IGHMBP2: variants seen among roughly 807,000 people sequenced by gnomAD.
IGHMBP2 encodes the protein DNA-binding protein SMUBP-2.
Under a neutral mutation model 96.0 loss-of-function variants are expected in IGHMBP2, and 81 were observed. The observed-to-expected ratio is 0.84, with a 90% CI of 0.71 to 1.01. The LOEUF (loss-of-function observed/expected upper bound fraction) is 1.01, where lower values mean the gene tolerates loss of function less well. Ranked by LOEUF, IGHMBP2 falls within the 50% of genes least tolerant of loss-of-function variation. The pLI is 0.00. For missense variants in IGHMBP2, 1,227 were observed against 1,306.3 expected, an observed-to-expected ratio of 0.94 and a Z score of 0.94; for synonymous variants, 557 against 548.9, an observed-to-expected ratio of 1.01 and a Z score of -0.21.
chr11:68,921,951 C>G (rs184896784), intron 7 of IGHMBP2, among the ~76,000 whole-genome samples: 111 of 152,368 alleles, frequency 7.3e-4, no homozygotes, highest in African/African-American at 2.6e-3. Flanking sequence ...CCACTGTCAT[C>G]TGCCTGAGTA....
rs898892500 is a variant in IGHMBP2 at position 68,912,236 on chromosome 11, A to G, written c.711+633A>G. Among the ~76,000 whole-genome samples the G allele has an allele frequency of 2.6e-5, 4 of 152,144 alleles. No homozygotes were observed. The East Asian group carries it at 5.8e-4, about 22-fold the overall frequency. ...AACCTCCGCCTCCCGGGTTTAAGTG[A>G]TTCTCCTACCTCAGCCTCCCGAACA... On this transcript the variant is annotated intron_variant, in intron 5 of 14. Coordinates refer to ENST00000255078, the MANE Select transcript of IGHMBP2 (RefSeq NM_002180.3).
At position 68,934,767 on chromosome 11, in the gene IGHMBP2, CG is replaced by C. The variant is rs1231660672; in HGVS notation, c.1632+211del. 8.5e-5 allele frequency among the ~76,000 whole-genome samples: 13 copies of C among 152,316 alleles called. No homozygotes were observed. The South Asian group carries it at 2.5e-3, about 29-fold the overall frequency. ...CCGCCCCACCTTGCCCCGCCCTGCC[CG>C]GTGCCCCAGCCTTCTGCACTGGCTT... On this transcript the variant is annotated intron_variant, in intron 11 of 14. Coordinates refer to ENST00000255078, the MANE Select transcript of IGHMBP2 (RefSeq NM_002180.3).
chr11:68,926,158 ATCT>A (rs1049350790), intron 7 of IGHMBP2: 2 of 149,652 alleles, frequency 1.3e-5, no homozygotes, highest in Non-Finnish European at 3.0e-5. Flanking sequence ...TTCAGGCTGG[ATCT>A]TCTCAATGGA....
At chr11:68,933,013 T>A (rs1859375186) in intron 8 of IGHMBP2, 1 of 525,268 alleles carries the variant, frequency 1.9e-6, no homozygotes, top group African/African-American at 1.9e-5. Flanking sequence ...CCTTGGGTTA[T>A]CACCTGGGTC....
Position 68,915,166 on chromosome 11 carries a change from C to CCTTTTT in IGHMBP2, c.912+143_912+144insCTTTTT, listed in dbSNP as rs1191505010. Reference sequence around the variant, plus strand: ...TAATAATTTTAAAAATTGGGCTGCCCTTTTTTTTTTTTTTTTTTTTTTTTT... The same window carrying CCTTTTT: ...TAATAATTTTAAAAATTGGGCTGCCCCTTTTTTTTTTTTTTTTTTTTTTTTTTTTTT... On this transcript the variant is annotated intron_variant, in intron 6 of 14. Transcript: ENST00000255078. 66 of 206,384 alleles carry CCTTTTT rather than the reference C, an allele frequency of 3.2e-4. 4 individuals carry two copies. In the African/African-American group the frequency reaches 3.2e-3, roughly 10 times the overall value. The allele number at this position is 206,384 out of a possible 1,614,324, so 12.8% of individuals were successfully genotyped here.
rs139237340 is a variant in IGHMBP2, at chr11:68,906,204, C to T, written c.222C>T (p.Ser74=). 39 of 1,613,896 alleles carry T rather than the reference C, an allele frequency of 2.4e-5. No homozygotes were observed. The highest frequency in any genetic ancestry group is 2.8e-5 in the Non-Finnish European group (33 of 1,179,980). The change falls in exon 2 of 15, where the codon TCC becomes TCT. Residue 74 remains serine, a synonymous_variant. Transcript: ENST00000255078. ...LVTFEPRRYG[S]AAALPSNSFT... ...CCTTTGAGCCCAGGCGATACGGGTC[C>T]GCGGCAGCTCTTCCCAGTAACAGCT...
intron 10 of IGHMBP2, 187 bp downstream of exon 10, chr11:68,934,100 C>T (rs1358657991): frequency 3.1e-6 from 2 of 645,766 alleles, no homozygotes; most frequent in African/African-American, 1.8e-5. Flanking sequence ...GCAGACCGCT[C>T]CTGGGTGAGA....
chr11:68,906,117 G>A lies in IGHMBP2; in HGVS notation c.135G>A (p.Val45=), dbSNP rs1253673311. The stretch of plus-strand genomic sequence containing the variant: ...TGAAAGAGCTCCAGAGCCGAGGCGT[G>A]TGTTTGCTGAAGCTGCAGGTATCCA... ...ISLKELQSRG[V]CLLKLQVSSQ... Residue 45 remains valine (V), a synonymous_variant, in exon 2 of 15, where the codon GTG becomes GTA. Coordinates refer to ENST00000255078, the MANE Select transcript of IGHMBP2 (RefSeq NM_002180.3). 6.2e-7 allele frequency: 1 copy of A among 1,614,118 alleles called. No individual in the cohort carries two copies. The highest frequency in any genetic ancestry group is 1.3e-5 in the African/African-American group (1 of 74,944).
rs201701183 is a variant in IGHMBP2 at position 68,908,538 on chromosome 11, C to T, written c.454C>T (p.Leu152=). 2 of 1,612,888 alleles carry T rather than the reference C, an allele frequency of 1.2e-6. No homozygotes were observed. Among genetic ancestry groups the T allele is most frequent in the Non-Finnish European group, 1.7e-6 (2 of 1,178,888 alleles). The change falls in exon 4 of 15, where the codon CTG becomes TTG. Residue 152 remains leucine (L), a synonymous_variant. Transcript: ENST00000255078. ...DVTYRRLKKA[L]IALKKYHSGP... is the part of the protein sequence containing the mutation. Reference sequence around the variant, plus strand: ...TTTAGTTTTCTCCCTTGGCAGAGCCCTGATTGCTCTAAAGAAGTATCATTC... The same window carrying T: ...TTTAGTTTTCTCCCTTGGCAGAGCCTTGATTGCTCTAAAGAAGTATCATTC...
intron 7 of IGHMBP2, among the ~76,000 whole-genome samples, chr11:68,922,609 T>C (rs1233609670): frequency 2.0e-5 from 3 of 152,210 alleles, no homozygotes; most frequent in Non-Finnish European, 4.4e-5. Flanking sequence ...TTGGCCAGGC[T>C]GCTCTCGAAC....
At chr11:68,934,212 T>TCA (rs2154008673) in intron 10 of IGHMBP2, 1 of 617,726 alleles carries the variant, frequency 1.6e-6, no homozygotes, top group East Asian at 2.8e-5. Flanking sequence ...CACCACCATC[T>TCA]CCCCAGTTCC....
In IGHMBP2 at chr11:68,937,016, G is replaced by A. The variant is rs566873791; in HGVS notation, c.2536G>A (p.Gly846Arg). 6 of 1,608,546 alleles carry A rather than the reference G, an allele frequency of 3.7e-6. No homozygotes were observed. In the African/African-American group the frequency reaches 6.7e-5, roughly 18 times the overall value. The stretch of plus-strand genomic sequence containing the variant: ...ACTGCAGAGGGTCAGGAGCGCGCAG[G>A]GGCAGCCCGCCAGCAAGGAGCAGCA... ...ERLQRVRSAQ[G>R]QPASKEQQAS... Residue 846 changes from glycine to arginine, a missense_variant, in exon 13 of 15, where the codon GGG becomes AGG. Gly to Arg is a moderately radical substitution (Grantham distance 125, BLOSUM62 -2). Coordinates refer to ENST00000255078, the MANE Select transcript of IGHMBP2 (RefSeq NM_002180.3).
intron 13 of IGHMBP2, 183 bp from the exon 14 acceptor site, chr11:68,937,999 T>G: frequency 1.5e-6 from 1 of 674,472 alleles, no homozygotes; most frequent in Non-Finnish European, 2.7e-6. Flanking sequence ...TCTCACTCTG[T>G]CACTATGTTG....
At position 68,934,454 on chromosome 11, in the gene IGHMBP2, T is replaced by C; in HGVS notation, c.1538-10T>C. Reference sequence around the variant, plus strand: ...CTTGTGCTGCTCACCCGTTCTTTCTTTCCCTCCAGGCGAAGTCCGCCTCGT... The same window carrying C: ...CTTGTGCTGCTCACCCGTTCTTTCTCTCCCTCCAGGCGAAGTCCGCCTCGT... On this transcript the variant is annotated splice_polypyrimidine_tract_variant and intron_variant, in intron 10 of 14. Coordinates refer to ENST00000255078, the MANE Select transcript of IGHMBP2 (RefSeq NM_002180.3). The C allele has an allele frequency of 6.3e-7, 1 of 1,599,256 alleles. No individual in the cohort carries two copies. The highest frequency in any genetic ancestry group is 8.5e-7 in the Non-Finnish European group (1 of 1,171,648).
At chr11:68,923,760 T>C (rs1479257231) in intron 7 of IGHMBP2, among the ~76,000 whole-genome samples, 2 of 152,136 alleles carry the variant, frequency 1.3e-5, no homozygotes, top group African/African-American at 4.8e-5. Flanking sequence ...TCTCATTGTT[T>C]TGGATGGTAT....
At position 68,934,510 on chromosome 11, in the gene IGHMBP2, T is replaced by G. The variant is rs1461885178; in HGVS notation, c.1584T>G (p.Ala528=). Residue 528 remains alanine, a synonymous_variant, in exon 11 of 15, where the codon GCT becomes GCG. Transcript: ENST00000255078. ...TGCACATCCAGGCTCTGGTGGACGC[T>G]GGTGTTCCAGCCCGTGACATTGCTG... ...VSLHIQALVD[A]GVPARDIAVV... 2 of 1,613,052 alleles carry G rather than the reference T, an allele frequency of 1.2e-6. No homozygotes were observed. Among genetic ancestry groups the G allele is most frequent in the Non-Finnish European group, 1.7e-6 (2 of 1,179,486 alleles).
chr11:68,930,421 C>A (rs1464759327), intron 8 of IGHMBP2: 1 of 1,289,490 alleles, frequency 7.8e-7, no homozygotes. Flanking sequence ...CGTGGGCAGC[C>A]CAGGAGTTGG....
chr11:68,908,667 C>A, intron 4 of IGHMBP2, 36 bp downstream of exon 4: 1 of 1,397,952 alleles, frequency 7.2e-7, no homozygotes, highest in Non-Finnish European at 1.0e-6. Flanking sequence ...TGGTTGAAAT[C>A]ACTACTGAAA....
In IGHMBP2 at chr11:68,940,412, T is replaced by C. The variant is rs9095; in HGVS notation, c.*681T>C. On this transcript the variant is annotated 3_prime_UTR_variant, in exon 15 of 15. Transcript: ENST00000255078. The stretch of plus-strand genomic sequence containing the variant: ...CAGGTGAGCCGGCTCTCCCACGTGG[T>C]TGTCCCGGGAAAGCTGCCCCACAGC... 0.22 allele frequency: 33,690 copies of C among 152,024 alleles called. 3,967 individuals are homozygous for C. Among genetic ancestry groups the C allele is most frequent in the Non-Finnish European group, 0.25 (16,716 of 68,024 alleles). 9.4% of individuals were successfully genotyped at this position (152,024 alleles called of 1,614,324 possible). A position where few individuals can be genotyped will look rare whatever the true frequency, so the allele number is the denominator to read the frequency against.
Sources: allele counts gnomAD v4.1 joint callset (sites outside exome capture counted in the v4.1 genomes callset), GRCh38; gene constraint gnomAD v4.1.1; transcripts MANE v1.5; gene names NCBI Gene and HGNC (gene_info 2026-07-23, HGNC 2026-07-21).